Variants in RGMB observed in about 807,000 individuals in gnomAD.
RGMB encodes repulsive guidance molecule BMP co-receptor b.
In RGMB, 16 loss-of-function variants were observed where a neutral mutation model predicts 26.9. The ratio of observed to expected loss-of-function variants is 0.60; its 90% CI spans 0.40 to 0.90. The LOEUF (loss-of-function observed/expected upper bound fraction) is 0.90. RGMB is among the 40% of genes least tolerant of loss of function. The probability of loss-of-function intolerance (pLI) is 0.00; values close to 1 mark genes in which losing one functional copy is unlikely to be tolerated. For synonymous variants in RGMB, 225 were observed against 229.3 expected (o/e 0.98, Z 0.17); for missense variants, 512 against 573.3 (o/e 0.89, Z 1.09).
chr5:98,792,867 C>G (rs982047124), intron 2 of RGMB: 2 of 397,890 alleles, frequency 5.0e-6, no homozygotes, highest in Admixed American at 8.2e-5. Flanking sequence ...TGTCTTGATG[C>G]ACAGATTTAT....
chr5:98,775,432 C>G (rs917773162), intron 1 of RGMB, among the ~76,000 whole-genome samples: 1 of 152,114 alleles, frequency 6.6e-6, no homozygotes, highest in Non-Finnish European at 1.5e-5. Flanking sequence ...AATTAGTAAC[C>G]TAAGAACCTT....
chr5:98,784,141 A>T (rs1357239043), intron 2 of RGMB, among the ~76,000 whole-genome samples: 1 of 152,192 alleles, frequency 6.6e-6, no homozygotes, highest in East Asian at 1.9e-4. Flanking sequence ...ACCAAGCAAG[A>T]TGACTGTTAG....
Position 98,773,917 on chromosome 5 carries a change from C to A in RGMB, c.-154C>A, listed in dbSNP as rs1410782211. 5.5e-6 allele frequency: 3 copies of A among 548,110 alleles called. No individual in the cohort carries two copies. In the South Asian group the frequency reaches 7.2e-5, roughly 13 times the overall value. 34.0% of individuals were successfully genotyped at this position (548,110 alleles called of 1,614,324 possible). On this transcript the variant is annotated 5_prime_UTR_variant, in exon 1 of 3. Transcript: ENST00000513185. ...GCCGGCTGCGCGCTGCTTGCTGCGG[C>A]GGTGGTGGCGCCCCATCTGCTACAC...
chr5:98,777,228 C>G (rs948429480), intron 1 of RGMB, among the ~76,000 whole-genome samples: 2 of 152,032 alleles, frequency 1.3e-5, no homozygotes, highest in African/African-American at 4.8e-5. Context: ...TATTTTATGA[C>G]TATTTGAAAT....
In RGMB at chr5:98,793,412, G is replaced by A. The variant is rs373799771; in HGVS notation, c.973G>A (p.Gly325Arg). The change falls in exon 3 of 3, where the codon GGG becomes AGG. Residue 325 changes from glycine to arginine, a missense_variant. By Grantham distance (125) the Gly-to-Arg change is moderately radical. Transcript: ENST00000513185. ...GCPLSERIDD[G>R]QGQVSAILGH... ...CCCCCTGAGTGAACGCATCGATGAC[G>A]GGCAGGGCCAGGTGTCTGCCATCCT... 10 of 1,612,430 alleles carry A rather than the reference G, an allele frequency of 6.2e-6. No homozygotes were observed. The highest frequency in any genetic ancestry group is 2.7e-5 in the African/African-American group (2 of 74,910).
rs985501046 is a variant in RGMB, at chr5:98,793,552, C to A, written c.1113C>A (p.Ser371=). The A allele has an allele frequency of 1.2e-6, 2 of 1,613,922 alleles. No homozygotes were observed. The highest frequency in any genetic ancestry group is 2.7e-5 in the African/African-American group (2 of 74,942). ...CAGTGAAGGACATCTATTTCCAGTC[C>A]TGTGTCTTCGACCTGCTCACCACTG... The part of the protein sequence containing the change: ...KMPVKDIYFQ[S]CVFDLLTTGD... Residue 371 remains serine, a synonymous_variant, in exon 3 of 3, where the codon TCC becomes TCA. Coordinates refer to ENST00000513185, the MANE Select transcript of RGMB (RefSeq NM_001366508.1).
At chr5:98,786,283 T>C (rs527892087) in intron 2 of RGMB, among the ~76,000 whole-genome samples, 1 of 152,340 alleles carries the variant, frequency 6.6e-6, no homozygotes, top group Admixed American at 6.5e-5. Flanking sequence ...CGCCTGTCCC[T>C]GTGTGAGCCA....
intron 1 of RGMB, among the ~76,000 whole-genome samples, chr5:98,777,909 G>A (rs1746467326): frequency 6.6e-6 from 1 of 152,102 alleles, no homozygotes; most frequent in South Asian, 2.1e-4. Flanking sequence ...AGGTTAAAGT[G>A]AATACCAAGC....
intron 2 of RGMB, among the ~76,000 whole-genome samples, chr5:98,790,696 C>T (rs895137141): frequency 2.0e-5 from 3 of 152,112 alleles, no homozygotes; most frequent in Non-Finnish European, 2.9e-5. Context: ...TTTGTTGGCC[C>T]AACACAAGTA....
At position 98,793,500 on chromosome 5, in the gene RGMB, C is replaced by T. The variant is rs1263994569; in HGVS notation, c.1061C>T (p.Ala354Val). The T allele has an allele frequency of 6.2e-7, 1 of 1,613,550 alleles. No individual in the cohort carries two copies. The highest frequency in any genetic ancestry group is 2.2e-5 in the East Asian group (1 of 44,890). ...QAWPGYTLET[A>V]NTQCHEKMPV... Reference sequence around the variant, plus strand: ...TGGCCTGGCTACACACTGGAGACTGCCAACACTCAATGCCATGAGAAGATG... The same window carrying T: ...TGGCCTGGCTACACACTGGAGACTGTCAACACTCAATGCCATGAGAAGATG... The change falls in exon 3 of 3, where the codon GCC becomes GTC. Residue 354 changes from alanine to valine, a missense_variant. Coordinates refer to ENST00000513185, the MANE Select transcript of RGMB (RefSeq NM_001366508.1).
chr5:98,793,012 T>C (rs1746980776), intron 2 of RGMB, 73 bp from the exon 3 acceptor site: 7 of 1,248,924 alleles, frequency 5.6e-6, no homozygotes, highest in Middle Eastern at 3.9e-4. Context: ...GGCGGGGAGC[T>C]CTTGCTACAG....
upstream of RGMB, chr5:98,770,113 G>GC (rs1170402506): frequency 6.5e-6 from 1 of 152,818 alleles, no homozygotes; most frequent in Non-Finnish European, 1.5e-5. Flanking sequence ...GGGGTTTCGG[G>GC]TCTGCCCGGG....
Position 98,790,678 on chromosome 5 carries a change from A to G in RGMB, c.646-2407A>G, listed in dbSNP as rs1331480898. Among the ~76,000 whole-genome samples the G allele has an allele frequency of 3.3e-5, 5 of 152,206 alleles. 1 individual carries two copies. The highest frequency in any genetic ancestry group is 2.6e-4 in the Admixed American group (4 of 15,280). ...TTTGGAAACTTGTTTGGAATCGGTT[A>G]TCTTTGCTTTGTTGGCCCAACACAA... On this transcript the variant is annotated intron_variant, in intron 2 of 2. Transcript: ENST00000513185.
intron 2 of RGMB, among the ~76,000 whole-genome samples, chr5:98,788,748 T>C (rs529325786): frequency 1.3e-5 from 2 of 152,352 alleles, no homozygotes; most frequent in East Asian, 3.9e-4. Flanking sequence ...TCTACTTCCT[T>C]TAGGTGCTTC....
At chr5:98,788,454 A>G (rs775960087) in intron 2 of RGMB, among the ~76,000 whole-genome samples, 1 of 152,088 alleles carries the variant, frequency 6.6e-6, no homozygotes, top group Non-Finnish European at 1.5e-5. Flanking sequence ...GACATCAAGT[A>G]TTTTCTAGTC....
chr5:98,792,031 C>T (rs1355089442), intron 2 of RGMB, among the ~76,000 whole-genome samples: 6 of 152,112 alleles, frequency 3.9e-5, no homozygotes, highest in African/African-American at 1.4e-4. Context: ...TTTGGGAAAA[C>T]ATTTGCTGTA....
intron 2 of RGMB, among the ~76,000 whole-genome samples, chr5:98,782,949 T>C (rs962219220): frequency 1.3e-5 from 2 of 152,230 alleles, no homozygotes; most frequent in African/African-American, 4.8e-5. Flanking sequence ...AAGCCTTTTC[T>C]TTTTCTCTAC....
rs1746536311 is a variant in RGMB at position 98,779,889 on chromosome 5, A to T, written c.446A>T (p.Glu149Val). The T allele has an allele frequency of 6.2e-7, 1 of 1,613,912 alleles. No homozygotes were observed. The change falls in exon 2 of 3, where the codon GAA becomes GTA. Residue 149 changes from glutamate (E) to valine (V), a missense_variant. Glu to Val is a moderately radical substitution (Grantham distance 121). Coordinates refer to ENST00000513185, the MANE Select transcript of RGMB (RefSeq NM_001366508.1). Reference protein sequence around the residue: ...CNYHSHAGAREHRRGDQNPPS... With the variant: ...CNYHSHAGARVHRRGDQNPPS... ...TATCACAGCCACGCTGGAGCCAGGG[A>T]ACACAGGAGAGGGGACCAGAACCCT...
chr5:98,789,076 A>T (rs553357849), intron 2 of RGMB, among the ~76,000 whole-genome samples: 1 of 152,252 alleles, frequency 6.6e-6, no homozygotes, highest in Non-Finnish European at 1.5e-5. Context: ...AATAAAATTC[A>T]TCGACTTCTT....
Sources: allele counts gnomAD v4.1 joint callset (sites outside exome capture counted in the v4.1 genomes callset), GRCh38; gene constraint gnomAD v4.1.1; transcripts MANE v1.5; gene names NCBI Gene and HGNC (gene_info 2026-07-23, HGNC 2026-07-21).